The following NR3C1 variants were observed in gnomAD, a reference collection of about 807,000 sequenced individuals.
NR3C1 encodes glucocorticoid receptor.
NR3C1 carries 14 observed loss-of-function variants against 74.0 expected under a neutral mutation model. The ratio of observed to expected loss-of-function variants is 0.19; its 90% CI spans 0.12 to 0.30. The LOEUF is 0.30. NR3C1 is among the 10% of genes least tolerant of loss of function. NR3C1 has a pLI of 1.00. For missense variants in NR3C1, 695 were observed against 909.8 expected (o/e 0.76, Z 3.04); for synonymous variants, 308 against 332.5 (o/e 0.93, Z 0.80).
intron 1 of NR3C1, among the ~76,000 whole-genome samples, chr5:143,420,292 G>C (rs1448818990): frequency 6.6e-6 from 1 of 152,200 alleles, no homozygotes; most frequent in Non-Finnish European, 1.5e-5. Flanking sequence ...ACAGGTATAG[G>C]AAATCACAAG....
In NR3C1 at chr5:143,348,165, C is replaced by T. The variant is rs2118727; in HGVS notation, c.1185-33997G>A. Among the ~76,000 whole-genome samples the T allele has an allele frequency of 2.4e-3, 368 of 152,274 alleles. 1 individual carries two copies. The highest frequency in any genetic ancestry group is 8.4e-3 in the African/African-American group (351 of 41,550). ...TTGATTTTGTCTCACAGCATCAGCT[C>T]GTGTTTCCGGTAGCATACTTTGGAG... On this transcript the variant is annotated intron_variant, in intron 2 of 8. Coordinates refer to ENST00000394464, the MANE Select transcript of NR3C1 (RefSeq NM_000176.3).
chr5:143,346,079 ACAG>A (rs558972063), intron 2 of NR3C1, among the ~76,000 whole-genome samples: 203 of 152,338 alleles, frequency 1.3e-3, no homozygotes, highest in Admixed American at 4.4e-3. Flanking sequence ...ACTTTCATAA[ACAG>A]CAGATTATTA....
At chr5:143,330,879 C>T (rs370114862) in intron 2 of NR3C1, among the ~76,000 whole-genome samples, 6 of 152,084 alleles carry the variant, frequency 3.9e-5, no homozygotes, top group African/African-American at 1.4e-4. Context: ...GCCATACTGC[C>T]CAAAGCAATT....
At chr5:143,287,237 T>C (rs529711104) in intron 7 of NR3C1, among the ~76,000 whole-genome samples, 3 of 151,952 alleles carry the variant, frequency 2.0e-5, no homozygotes, top group Non-Finnish European at 4.4e-5. Context: ...AAAATTTCAA[T>C]GAAACTAAAA....
At chr5:143,304,127 G>A (rs902172088) in intron 4 of NR3C1, among the ~76,000 whole-genome samples, 1 of 151,726 alleles carries the variant, frequency 6.6e-6, no homozygotes, top group Non-Finnish European at 1.5e-5. Flanking sequence ...ATAATCAAAC[G>A]ATCTCTTTTC....
At chr5:143,294,816 A>G in intron 7 of NR3C1, 1 of 635,536 alleles carries the variant, frequency 1.6e-6, no homozygotes, top group Non-Finnish European at 2.0e-6. Context: ...ATGGCTTGAC[A>G]GCTTATTTCT....
At chr5:143,410,585 G>A (rs2151954882) in intron 1 of NR3C1, among the ~76,000 whole-genome samples, 1 of 152,260 alleles carries the variant, frequency 6.6e-6, no homozygotes, top group South Asian at 2.1e-4. Flanking sequence ...GAATGAGCCT[G>A]GGGTAGGCAT....
chr5:143,386,197 G>A (rs913270840), intron 2 of NR3C1, among the ~76,000 whole-genome samples: 1 of 152,200 alleles, frequency 6.6e-6, no homozygotes, highest in African/African-American at 2.4e-5. Flanking sequence ...CAGAGGAGAA[G>A]TCTGCCTCCA....
chr5:143,302,620 A>G (rs1818741634), intron 4 of NR3C1, among the ~76,000 whole-genome samples: 1 of 152,114 alleles, frequency 6.6e-6, no homozygotes, highest in African/African-American at 2.4e-5. Context: ...ATTTTCTATG[A>G]CTCAGTTTGT....
rs763026795 is a variant in NR3C1 at position 143,282,740 on chromosome 5, T to TGAA, written c.2024-18_2024-16dup. On this transcript the variant is annotated splice_polypyrimidine_tract_variant and intron_variant, in intron 7 of 8. Coordinates refer to ENST00000394464, the MANE Select transcript of NR3C1 (RefSeq NM_000176.3). ...GTCCTTAGGAACTAAAAGGTTAAGA[T>TGAA]GAAGTCAGTTAAAGGATTTTCTTTT... The TGAA allele has an allele frequency of 6.2e-7, 1 of 1,612,456 alleles. No homozygotes were observed. Among genetic ancestry groups the TGAA allele is most frequent in the Non-Finnish European group, 8.5e-7 (1 of 1,179,460 alleles).
chr5:143,342,502 A>G (rs1368294568), intron 2 of NR3C1, among the ~76,000 whole-genome samples: 1 of 152,238 alleles, frequency 6.6e-6, no homozygotes, highest in Non-Finnish European at 1.5e-5. Flanking sequence ...TGACATATCA[A>G]TGACATTTAT....
intron 2 of NR3C1, among the ~76,000 whole-genome samples, chr5:143,350,970 G>T (rs894816899): frequency 6.6e-6 from 1 of 152,140 alleles, no homozygotes. Context: ...AATGTGAATG[G>T]AGTGGAAGCA....
At chr5:143,343,889 A>G (rs1828711958) in intron 2 of NR3C1, among the ~76,000 whole-genome samples, 1 of 152,234 alleles carries the variant, frequency 6.6e-6, no homozygotes, top group Non-Finnish European at 1.5e-5. Flanking sequence ...GATTAAATAA[A>G]CCAGCATCAT....
intron 2 of NR3C1, among the ~76,000 whole-genome samples, chr5:143,352,334 A>G (rs1374232154): frequency 6.6e-6 from 1 of 152,166 alleles, no homozygotes; most frequent in Non-Finnish European, 1.5e-5. Context: ...CAGCTATTAA[A>G]AGTATTCTTA....
chr5:143,320,082 T>C (rs1236507780), intron 2 of NR3C1, among the ~76,000 whole-genome samples: 1 of 152,228 alleles, frequency 6.6e-6, no homozygotes, highest in Non-Finnish European at 1.5e-5. Context: ...TTAGGAAAAA[T>C]GTAAATACTC....
In NR3C1 at chr5:143,403,481, A is replaced by G. The variant is rs1339112834; in HGVS notation, c.-284T>C. On this transcript the variant is annotated 5_prime_UTR_variant, in exon 1 of 9. Coordinates refer to ENST00000394464, the MANE Select transcript of NR3C1 (RefSeq NM_000176.3). ...GGCGCGCGTGCCCCGTCCCGGTCCC[A>G]GCTGCTTCGGCCGCTCCGGCTGCGG... 4.1e-6 allele frequency: 4 copies of G among 984,584 alleles called. No homozygotes were observed. The highest frequency in any genetic ancestry group is 4.8e-6 in the Non-Finnish European group (4 of 829,868). The allele number at this position is 984,584 out of a possible 1,614,324, so 61.0% of individuals were successfully genotyped here.
chr5:143,307,410 A>G (rs1250520524), intron 4 of NR3C1, among the ~76,000 whole-genome samples: 1 of 152,182 alleles, frequency 6.6e-6, no homozygotes, highest in East Asian at 1.9e-4. Flanking sequence ...AGTCCATCAA[A>G]ATCATTACTT....
At chr5:143,337,925 T>C (rs756753670) in intron 2 of NR3C1, among the ~76,000 whole-genome samples, 2 of 152,236 alleles carry the variant, frequency 1.3e-5, no homozygotes, top group South Asian at 4.1e-4. Flanking sequence ...TGTAAACTTA[T>C]ATGGTCATAC....
chr5:143,301,597 T>A (rs1014478703), intron 4 of NR3C1, among the ~76,000 whole-genome samples: 45 of 152,268 alleles, frequency 3.0e-4, no homozygotes, highest in Non-Finnish European at 1.2e-4. Context: ...GACTTTTTAG[T>A]AGACTTATTC....
Sources: gnomAD v4.1 joint callset for allele counts (sites outside exome capture counted in the v4.1 genomes callset) on GRCh38, gnomAD v4.1.1 for gene constraint, MANE v1.5 for transcripts, NCBI Gene and HGNC (gene_info 2026-07-23, HGNC 2026-07-21) for gene names.